The following NFIB variants were observed in gnomAD, a reference collection of about 807,000 sequenced individuals.
The protein encoded by NFIB is nuclear factor 1 B-type.
In NFIB, 11 loss-of-function variants were observed where a neutral mutation model predicts 61.5. The ratio of observed to expected loss-of-function variants is 0.18; its 90% CI spans 0.11 to 0.30. The LOEUF (loss-of-function observed/expected upper bound fraction) is 0.30. NFIB is among the 10% of genes least tolerant of loss of function. NFIB has a pLI of 1.00. For synonymous variants in NFIB, 260 were observed against 216.5 expected, an observed-to-expected ratio of 1.20 and a Z score of -1.76; for missense variants, 471 against 608.9, an observed-to-expected ratio of 0.77 and a Z score of 2.38.
the NFIB span, among the ~76,000 whole-genome samples, chr9:14,435,890 C>T: frequency 6.6e-6 from 1 of 152,216 alleles, no homozygotes; most frequent in Non-Finnish European, 1.5e-5. Context: ...ATAACTTTCT[C>T]TTCACAGATT....
chr9:14,330,947 G>C (rs1267207742), intron 1 of NFIB, among the ~76,000 whole-genome samples: 1 of 152,074 alleles, frequency 6.6e-6, no homozygotes, highest in African/African-American at 2.4e-5. Context: ...CAGCCCCTCT[G>C]TACTGAGTTT....
intron 1 of NFIB, among the ~76,000 whole-genome samples, chr9:14,393,386 C>A (rs1335278016): frequency 6.6e-6 from 1 of 152,156 alleles, no homozygotes; most frequent in African/African-American, 2.4e-5. Context: ...ATTCATTAAG[C>A]CTCTTTGACC....
the NFIB span, among the ~76,000 whole-genome samples, chr9:14,467,800 A>T: frequency 6.6e-6 from 1 of 152,220 alleles, no homozygotes; most frequent in Non-Finnish European, 1.5e-5. Flanking sequence ...GAGGCCAAAC[A>T]TCTTACATTT....
At chr9:14,199,227 T>C (rs922448874) in intron 2 of NFIB, among the ~76,000 whole-genome samples, 3 of 152,202 alleles carry the variant, frequency 2.0e-5, no homozygotes, top group Non-Finnish European at 4.4e-5. Context: ...TTTTTGGCAA[T>C]TGTGTTCTGG....
intron 2 of NFIB, among the ~76,000 whole-genome samples, chr9:14,280,178 C>A (rs199819723): frequency 2.0e-5 from 3 of 152,148 alleles, no homozygotes; most frequent in Non-Finnish European, 2.9e-5. Context: ...AGCTTAGGGG[C>A]TGATCTAAAA....
intron 1 of NFIB, among the ~76,000 whole-genome samples, chr9:14,322,899 T>C (rs2060697519): frequency 6.6e-6 from 1 of 151,726 alleles, no homozygotes; most frequent in African/African-American, 2.4e-5. Flanking sequence ...CGCGCCTTTG[T>C]GCTTCCCGAC....
intron 2 of NFIB, among the ~76,000 whole-genome samples, chr9:14,271,835 T>G (rs2057647957): frequency 6.6e-6 from 1 of 152,224 alleles, no homozygotes; most frequent in African/African-American, 2.4e-5. Flanking sequence ...ACAATGAACG[T>G]GACCCTGTGT....
In NFIB at chr9:14,237,564, G is replaced by A. The variant is rs149428514; in HGVS notation, c.563-57784C>T. Among the ~76,000 whole-genome samples the A allele has an allele frequency of 1.3e-5, 2 of 152,060 alleles. 1 individual carries two copies. The highest frequency in any genetic ancestry group is 2.9e-5 in the Non-Finnish European group (2 of 68,022). ...CATGATTACTACTCATTATTAATCA[G>A]ACTTCCCAACATGCTTCCAAGGTAT... is the stretch of plus-strand genomic sequence containing the variant. On this transcript the variant is annotated intron_variant, in intron 2 of 10. Transcript: ENST00000380953.
chr9:14,430,623 C>T, the NFIB span, among the ~76,000 whole-genome samples: 1 of 152,080 alleles, frequency 6.6e-6, no homozygotes, highest in African/African-American at 2.4e-5. Context: ...ATCCTGTCAC[C>T]CAGGCTGGAG....
intron 3 of NFIB, among the ~76,000 whole-genome samples, chr9:14,168,153 G>A (rs1207337057): frequency 6.6e-6 from 1 of 152,176 alleles, no homozygotes; most frequent in Non-Finnish European, 1.5e-5. Flanking sequence ...CAGGTTCTGA[G>A]TAAGGGAATG....
At chr9:14,242,957 T>C (rs1056069901) in intron 2 of NFIB, among the ~76,000 whole-genome samples, 3 of 152,222 alleles carry the variant, frequency 2.0e-5, no homozygotes, top group Admixed American at 6.5e-5. Context: ...TTTAAATAAA[T>C]GATGCATGTT....
At chr9:14,408,355 T>C in the NFIB span, among the ~76,000 whole-genome samples, 1 of 152,226 alleles carries the variant, frequency 6.6e-6, no homozygotes, top group South Asian at 2.1e-4. Context: ...ATCTTTATTG[T>C]CATCAACTAT....
At chr9:14,226,548 A>AG (rs1369014338) in intron 2 of NFIB, among the ~76,000 whole-genome samples, 8 of 144,126 alleles carry the variant, frequency 5.6e-5, no homozygotes, top group African/African-American at 1.8e-4. Context: ...ACCCTATCTC[A>AG]GAAAAAAAAA....
At chr9:14,443,889 G>C in the NFIB span, among the ~76,000 whole-genome samples, 6 of 152,152 alleles carry the variant, frequency 3.9e-5, no homozygotes, top group South Asian at 1.2e-3. Context: ...TTTACTGTAT[G>C]AAAAAAGAAC....
intron 10 of NFIB, among the ~76,000 whole-genome samples, chr9:14,106,187 G>A (rs1587227660): frequency 6.6e-6 from 1 of 152,052 alleles, no homozygotes; most frequent in Non-Finnish European, 1.5e-5. Flanking sequence ...CAGTCTGTTA[G>A]AATTGTCTGT....
chr9:14,305,135 G>T (rs552292482), intron 2 of NFIB, among the ~76,000 whole-genome samples: 2 of 151,910 alleles, frequency 1.3e-5, no homozygotes, highest in South Asian at 4.2e-4. Context: ...GCATTTATGC[G>T]TTTTTTTTCT....
the NFIB span, among the ~76,000 whole-genome samples, chr9:14,511,390 TTA>T: frequency 1.1e-4 from 16 of 152,210 alleles, no homozygotes; most frequent in African/African-American, 2.4e-4. Flanking sequence ...CCTATCAAAT[TTA>T]TGTTTATATA....
chr9:14,140,773 A>G (rs1257686231), intron 6 of NFIB, among the ~76,000 whole-genome samples: 1 of 152,110 alleles, frequency 6.6e-6, no homozygotes, highest in Non-Finnish European at 1.5e-5. Flanking sequence ...AGCTCTACAC[A>G]AAATTTAAAA....
the NFIB span, among the ~76,000 whole-genome samples, chr9:14,453,968 C>T: frequency 2.6e-5 from 4 of 152,020 alleles, no homozygotes; most frequent in African/African-American, 7.2e-5. Flanking sequence ...GTCCCAGCTA[C>T]TCAGGAGGCT....
Sources: allele counts gnomAD v4.1 joint callset (sites outside exome capture counted in the v4.1 genomes callset), GRCh38; gene constraint gnomAD v4.1.1; transcripts MANE v1.5; gene names NCBI Gene and HGNC (gene_info 2026-07-23, HGNC 2026-07-21).